PPP4R2: variants seen among roughly 807,000 people sequenced by gnomAD.
The protein encoded by PPP4R2 is serine/threonine-protein phosphatase 4 regulatory subunit 2.
PPP4R2 carries 13 observed loss-of-function variants against 47.2 expected under a neutral mutation model. That is an observed-to-expected ratio of 0.28 (90% CI 0.18 to 0.44). The LOEUF (loss-of-function observed/expected upper bound fraction) is 0.44, where lower values mean the gene tolerates loss of function less well. Ranked by LOEUF, PPP4R2 falls within the 20% of genes least tolerant of loss-of-function variation. PPP4R2 has a pLI of 1.00. For missense variants in PPP4R2, 421 were observed against 491.2 expected (o/e 0.86, Z 1.35); for synonymous variants, 151 against 163.3 (o/e 0.92, Z 0.57).
rs192988264 is a variant in PPP4R2 at position 73,035,172 on chromosome 3, T to C, written c.117-12014T>C. 6.9e-4 allele frequency among the ~76,000 whole-genome samples: 105 copies of C among 152,280 alleles called. 2 individuals are homozygous for C. Among genetic ancestry groups the C allele is most frequent in the Admixed American group, 2.4e-3 (37 of 15,288 alleles). ...AGGTATGTGAAAATATGTTCAACAT[T>C]AGTAATCATCAGGAAAATGTAAATC... On this transcript the variant is annotated intron_variant, in intron 2 of 8. Coordinates refer to ENST00000356692, the MANE Select transcript of PPP4R2 (RefSeq NM_174907.4).
chr3:73,005,329 G>A (rs1344183721), intron 2 of PPP4R2, among the ~76,000 whole-genome samples: 1 of 130,428 alleles, frequency 7.7e-6, no homozygotes, highest in African/African-American at 2.8e-5. Flanking sequence ...TCAGGTATAT[G>A]GTGTGGTCTT....
At chr3:73,016,664 A>G (rs1379565032) in intron 2 of PPP4R2, among the ~76,000 whole-genome samples, 5 of 151,492 alleles carry the variant, frequency 3.3e-5, no homozygotes, top group African/African-American at 9.7e-5. Context: ...AAATAATATG[A>G]ATGTCCTAGA....
At position 73,057,767 on chromosome 3, in the gene PPP4R2, G is replaced by A. The variant is rs910980874; in HGVS notation, c.288-1270G>A. ...AAACAACTATAATTTTGTAAAATACGTGTGGTACAATGGAAAGGACATGAG... is the reference window on the plus strand; with the variant it reads ...AAACAACTATAATTTTGTAAAATACATGTGGTACAATGGAAAGGACATGAG... On this transcript the variant is annotated intron_variant, in intron 3 of 8. Transcript: ENST00000356692. Among the ~76,000 whole-genome samples the A allele has an allele frequency of 7.2e-5, 11 of 152,152 alleles. No homozygotes were observed. In the East Asian group the frequency reaches 1.9e-3, roughly 27 times the overall value.
intron 2 of PPP4R2, among the ~76,000 whole-genome samples, chr3:73,001,614 A>G (rs1701460384): frequency 6.6e-6 from 1 of 151,954 alleles, no homozygotes; most frequent in Non-Finnish European, 1.5e-5. Flanking sequence ...GTAATTTACC[A>G]TCTTTACCAT....
At chr3:73,058,802 C>T (rs1331955821) in intron 3 of PPP4R2, among the ~76,000 whole-genome samples, 1 of 150,084 alleles carries the variant, frequency 6.7e-6, no homozygotes, top group Non-Finnish European at 1.5e-5. Flanking sequence ...CCCTCCCCCC[C>T]CACCTTTATT....
chr3:73,042,377 T>C (rs1396521375), intron 2 of PPP4R2, among the ~76,000 whole-genome samples: 2 of 145,330 alleles, frequency 1.4e-5, no homozygotes, highest in Non-Finnish European at 3.0e-5. Context: ...TTTTTTTTTT[T>C]TTTTTGAGAT....
At chr3:73,017,070 G>A (rs1350946307) in intron 2 of PPP4R2, among the ~76,000 whole-genome samples, 2 of 151,986 alleles carry the variant, frequency 1.3e-5, no homozygotes, top group Non-Finnish European at 2.9e-5. Context: ...CAAGTGATCT[G>A]CTTGCTTTGG....
intron 2 of PPP4R2, among the ~76,000 whole-genome samples, chr3:73,031,426 C>A (rs1215802800): frequency 1.3e-5 from 2 of 151,922 alleles, no homozygotes; most frequent in African/African-American, 4.8e-5. Flanking sequence ...ACCTGTAATC[C>A]CAGCTACTCG....
chr3:73,038,585 AG>A (rs1251327008), intron 2 of PPP4R2, among the ~76,000 whole-genome samples: 3 of 152,014 alleles, frequency 2.0e-5, no homozygotes, highest in African/African-American at 7.2e-5. Flanking sequence ...TAGTAGAGAC[AG>A]GGTTTCACCA....
rs1027748487 is a variant in PPP4R2, at chr3:73,023,029, CAG to C, written c.117-24155_117-24154del. Among the ~76,000 whole-genome samples the C allele has an allele frequency of 5.3e-5, 8 of 152,016 alleles. 1 individual carries two copies. The highest frequency in any genetic ancestry group is 1.9e-4 in the African/African-American group (8 of 41,396). ...TTATATTTAGTTGGTATTGTTTGCT[CAG>C]AAGTTCAGATCATTATGAGGATTTG... On this transcript the variant is annotated intron_variant, in intron 2 of 8. Transcript: ENST00000356692.
intron 2 of PPP4R2, among the ~76,000 whole-genome samples, chr3:73,001,108 A>G (rs1436257326): frequency 6.6e-6 from 1 of 152,032 alleles, no homozygotes; most frequent in Non-Finnish European, 1.5e-5. Context: ...TCTCAAGAAG[A>G]CCTGCCTTTT....
chr3:73,052,603 A>C (rs1254909993), intron 3 of PPP4R2, among the ~76,000 whole-genome samples: 1 of 152,154 alleles, frequency 6.6e-6, no homozygotes, highest in Non-Finnish European at 1.5e-5. Flanking sequence ...GATAGAGAGC[A>C]TGTAAGTTAC....
intron 2 of PPP4R2, among the ~76,000 whole-genome samples, chr3:73,039,168 G>A (rs1054337399): frequency 1.3e-5 from 2 of 152,150 alleles, no homozygotes; most frequent in African/African-American, 4.8e-5. Flanking sequence ...TTGTTGCCCA[G>A]GCTGGAGTGC....
chr3:73,012,606 T>C (rs1182065419), intron 2 of PPP4R2, among the ~76,000 whole-genome samples: 1 of 152,144 alleles, frequency 6.6e-6, no homozygotes, highest in Non-Finnish European at 1.5e-5. Flanking sequence ...CAGCCCTTTC[T>C]CAAATATTTT....
chr3:73,059,025 A>G lies in PPP4R2; in HGVS notation c.288-12A>G. On this transcript the variant is annotated splice_polypyrimidine_tract_variant and intron_variant, in intron 3 of 8. Coordinates refer to ENST00000356692, the MANE Select transcript of PPP4R2 (RefSeq NM_174907.4). ...CAGTGATCTCACACTGTAAAATTAT[A>G]TTTTTTTGCAGTATCCCTTTTACTA... The G allele has an allele frequency of 6.7e-7, 1 of 1,499,878 alleles. No individual in the cohort carries two copies. 92.9% of individuals were successfully genotyped at this position (1,499,878 alleles called of 1,614,324 possible).
At chr3:73,002,634 C>CTTTTTTCTTTTTTTTTTTTT (rs1701498300) in intron 2 of PPP4R2, among the ~76,000 whole-genome samples, 1 of 41,164 alleles carries the variant, frequency 2.4e-5, no homozygotes, top group African/African-American at 1.2e-4. Context: ...CTTTTCTTTT[C>CTTTTTTCTTTTTTTTTTTTT]TTTTTTTTTT....
intron 2 of PPP4R2, among the ~76,000 whole-genome samples, chr3:73,005,738 G>A (rs535056893): frequency 4.7e-5 from 7 of 149,984 alleles, no homozygotes; most frequent in African/African-American, 1.5e-4. Context: ...CCAGCTACTC[G>A]GGAGAATCAC....
chr3:73,023,386 A>T (rs1176692253), intron 2 of PPP4R2, among the ~76,000 whole-genome samples: 1 of 152,038 alleles, frequency 6.6e-6, no homozygotes, highest in African/African-American at 2.4e-5. Context: ...GGGTTTCTCC[A>T]TGTTGGTCAG....
intron 2 of PPP4R2, among the ~76,000 whole-genome samples, chr3:73,035,589 AAAG>A (rs1206798566): frequency 1.3e-5 from 2 of 152,156 alleles, no homozygotes; most frequent in African/African-American, 4.8e-5. Flanking sequence ...GTCCAAAAGA[AAAG>A]AAATCAGTGT....
Sources: gnomAD v4.1 joint callset for allele counts (sites outside exome capture counted in the v4.1 genomes callset) on GRCh38, gnomAD v4.1.1 for gene constraint, MANE v1.5 for transcripts, NCBI Gene and HGNC (gene_info 2026-07-23, HGNC 2026-07-21) for gene names.